Variants in KIF2A observed in about 807,000 individuals in gnomAD.
KIF2A encodes kinesin-like protein KIF2A.
KIF2A carries 22 observed loss-of-function variants against 100.2 expected under a neutral mutation model. That is an observed-to-expected ratio of 0.22 (90% CI 0.16 to 0.31). The LOEUF is 0.31. KIF2A is among the 10% of genes least tolerant of loss of function. The pLI, the probability that KIF2A is intolerant of heterozygous loss-of-function variation, is 1.00. For missense variants in KIF2A, 495 were observed against 898.7 expected, an observed-to-expected ratio of 0.55 and a Z score of 5.74; for synonymous variants, 268 against 285.9, an observed-to-expected ratio of 0.94 and a Z score of 0.63.
intron 16 of KIF2A, 81 bp from the exon 17 acceptor site, chr5:62,372,357 A>G (rs1040697228): frequency 1.3e-5 from 9 of 716,218 alleles, no homozygotes; most frequent in Non-Finnish European, 2.2e-5. Context: ...ACAAAAGTGA[A>G]TACTAAATGA....
intron 1 of KIF2A, among the ~76,000 whole-genome samples, chr5:62,341,920 C>CT (rs1747312927): frequency 1.3e-5 from 2 of 151,812 alleles, no homozygotes; most frequent in African/African-American, 4.8e-5. Flanking sequence ...TTTCTTTTTT[C>CT]TTTTTTTTCC....
intron 15 of KIF2A, among the ~76,000 whole-genome samples, chr5:62,366,193 G>A (rs1426421364): frequency 4.6e-5 from 7 of 151,888 alleles, no homozygotes; most frequent in African/African-American, 1.7e-4. Flanking sequence ...CATTTCAGCT[G>A]GAGTTTGATT....
intron 1 of KIF2A, among the ~76,000 whole-genome samples, chr5:62,310,614 A>G (rs974787303): frequency 1.3e-5 from 2 of 151,036 alleles, no homozygotes; most frequent in Admixed American, 1.3e-4. Context: ...CAGGAACTAC[A>G]GCGTTAATTG....
chr5:62,364,338 G>T (rs1291304030), intron 14 of KIF2A, among the ~76,000 whole-genome samples: 1 of 151,970 alleles, frequency 6.6e-6, no homozygotes, highest in African/African-American at 2.4e-5. Flanking sequence ...AGTAGATATG[G>T]GGTTTCACCA....
At chr5:62,306,844 T>C (rs1348381352) in intron 1 of KIF2A, 1 of 348,026 alleles carries the variant, frequency 2.9e-6, no homozygotes, top group Admixed American at 5.3e-5. Context: ...TCCCGCAATC[T>C]CCAGCCCCCC....
Position 62,365,266 on chromosome 5 carries a change from A to G in KIF2A, c.1491A>G (p.Arg497=), listed in dbSNP as rs1741014858. The G allele has an allele frequency of 1.2e-6, 2 of 1,604,390 alleles. No individual in the cohort carries two copies. The highest frequency in any genetic ancestry group is 2.7e-5 in the African/African-American group (2 of 74,616). Residue 497 remains arginine, a synonymous_variant, in exon 15 of 21, where the codon AGA becomes AGG. Coordinates refer to ENST00000407818, the MANE Select transcript of KIF2A (RefSeq NM_001098511.3). The stretch of plus-strand genomic sequence containing the variant: ...AGGAGTGCATCAGAGCCTTAGGTAG[A>G]AATAAACCTCATACTCCTTTCCGTG... ...ALKECIRALG[R]NKPHTPFRAS...
chr5:62,307,022 G>C (rs1375388906), intron 1 of KIF2A: 1 of 153,314 alleles, frequency 6.5e-6, no homozygotes, highest in Non-Finnish European at 1.5e-5. Context: ...ACTGCTGGTC[G>C]GAGGCCGAGA....
intron 1 of KIF2A, among the ~76,000 whole-genome samples, chr5:62,314,189 CG>C (rs1561245849): frequency 6.6e-6 from 1 of 151,900 alleles, no homozygotes; most frequent in East Asian, 1.9e-4. Flanking sequence ...GAGACTGGCT[CG>C]GTGTGGTGTC....
At chr5:62,334,400 G>A (rs111733553) in intron 1 of KIF2A, among the ~76,000 whole-genome samples, 6,585 of 151,800 alleles carry the variant, frequency 0.043, 452 homozygotes, top group African/African-American at 0.15. Flanking sequence ...CATCTTCAGG[G>A]CATCCACAGT....
At position 62,322,855 on chromosome 5, in the gene KIF2A, G is replaced by A. The variant is rs1315127103; in HGVS notation, c.64+16319G>A. On this transcript the variant is annotated intron_variant, in intron 1 of 20. Transcript: ENST00000407818. ...GTAAATATGGTAAAGATTGTTTTAT[G>A]GTTTTTGGGTTTTTTTTTTTAATGA... Among the ~76,000 whole-genome samples the A allele has an allele frequency of 1.8e-4, 19 of 103,294 alleles. No individual in the cohort carries two copies. The East Asian group carries it at 4.1e-3, about 22-fold the overall frequency. The allele number at this position is 103,294 out of a possible 152,430, so 67.8% of individuals were successfully genotyped here.
rs140857377 is a variant in KIF2A at position 62,338,569 on chromosome 5, C to G, written c.65-8561C>G. 6.0e-3 allele frequency among the ~76,000 whole-genome samples: 912 copies of G among 152,244 alleles called. 4 individuals are homozygous for G. The highest frequency in any genetic ancestry group is 0.01 in the Admixed American group (158 of 15,290). On this transcript the variant is annotated intron_variant, in intron 1 of 20. Transcript: ENST00000407818. ...CCTCCCACAGTGCTGGGATTACAGG[C>G]CTGAGCCACCACATCTGGCTTATAA...
intron 1 of KIF2A, among the ~76,000 whole-genome samples, chr5:62,311,625 T>C (rs1185060492): frequency 6.6e-6 from 1 of 152,206 alleles, no homozygotes; most frequent in East Asian, 1.9e-4. Context: ...CACGTCACTA[T>C]ATAGGCTTCT....
In KIF2A at chr5:62,325,114, GCTTTT is replaced by G. The variant is rs200212876; in HGVS notation, c.64+18599_64+18603del. ...TCTTTCCTTTCCTTACTGTTGTAAA[GCTTTT>G]CTTTTCTTTTCTTTTCTTTTTTTGA... On this transcript the variant is annotated intron_variant, in intron 1 of 20. Transcript: ENST00000407818. Among the ~76,000 whole-genome samples the G allele has an allele frequency of 2.9e-3, 439 of 151,960 alleles. 6 individuals carry two copies. Among genetic ancestry groups the G allele is most frequent in the East Asian group, 0.019 (97 of 5,164 alleles).
In KIF2A at chr5:62,382,830, T is replaced by C. The variant is rs554690135; in HGVS notation, c.2149+1577T>C. 3.3e-5 allele frequency among the ~76,000 whole-genome samples: 5 copies of C among 152,086 alleles called. No homozygotes were observed. In the East Asian group the frequency reaches 5.8e-4, roughly 18 times the overall value. ...TGTATCTAGACGGGGTTTCACCATG[T>C]TGGCCAGGCTGGTCTTGAACTCCTC... On this transcript the variant is annotated intron_variant, in intron 20 of 20. Coordinates refer to ENST00000407818, the MANE Select transcript of KIF2A (RefSeq NM_001098511.3).
intron 1 of KIF2A, among the ~76,000 whole-genome samples, chr5:62,345,240 T>C (rs1400931640): frequency 6.6e-6 from 1 of 151,928 alleles, no homozygotes; most frequent in Non-Finnish European, 1.5e-5. Context: ...ATACAAAAAT[T>C]AGCCCATTGT....
At chr5:62,325,462 G>GAAAAA (rs34505547) in intron 1 of KIF2A, among the ~76,000 whole-genome samples, 1 of 149,620 alleles carries the variant, frequency 6.7e-6, no homozygotes. Context: ...TGCTCTGAAA[G>GAAAAA]AAAAAAAAAA....
At position 62,385,836 on chromosome 5, in the gene KIF2A, T is replaced by C; in HGVS notation, c.*267T>C. 2.3e-6 allele frequency: 1 copy of C among 432,194 alleles called. No homozygotes were observed. Among genetic ancestry groups the C allele is most frequent in the Non-Finnish European group, 4.2e-6 (1 of 236,796 alleles). The allele number at this position is 432,194 out of a possible 1,614,324, so 26.8% of individuals were successfully genotyped here. On this transcript the variant is annotated 3_prime_UTR_variant, in exon 21 of 21. Transcript: ENST00000407818. ...TTTACTTTTGGAGATCCTTGTCAGT[T>C]TTATTTTCTATTTGATGAAGTAAGA... is the stretch of plus-strand genomic sequence containing the variant.
intron 9 of KIF2A, among the ~76,000 whole-genome samples, chr5:62,360,564 A>T (rs926878979): frequency 2.0e-5 from 3 of 152,104 alleles, no homozygotes; most frequent in Non-Finnish European, 4.4e-5. Context: ...AGGTGCCTGT[A>T]ATCCCAGCTA....
At chr5:62,361,061 AT>A (rs1748381673) in intron 9 of KIF2A, among the ~76,000 whole-genome samples, 180 bp from the exon 10 acceptor site, 2 of 152,188 alleles carry the variant, frequency 1.3e-5, no homozygotes, top group African/African-American at 4.8e-5. Context: ...ATTTTAGCAT[AT>A]GATATTTAAA....
Sources: allele counts gnomAD v4.1 joint callset (sites outside exome capture counted in the v4.1 genomes callset), GRCh38; gene constraint gnomAD v4.1.1; transcripts MANE v1.5; gene names NCBI Gene and HGNC (gene_info 2026-07-23, HGNC 2026-07-21).